The following SCARA5 variants were observed in gnomAD, a reference collection of about 807,000 sequenced individuals.
SCARA5 encodes scavenger receptor class A member 5.
Under a neutral mutation model 46.3 loss-of-function variants are expected in SCARA5, and 45 were observed. The observed-to-expected ratio is 0.97, with a 90% CI of 0.76 to 1.24. The LOEUF (loss-of-function observed/expected upper bound fraction) is 1.24. Ranked by LOEUF, SCARA5 falls within the 50% of genes most tolerant of loss-of-function variation. The pLI, the probability that SCARA5 is intolerant of heterozygous loss-of-function variation, is 0.00. For missense variants in SCARA5, 680 were observed against 689.0 expected (o/e 0.99, Z 0.15); for synonymous variants, 333 against 306.5 (o/e 1.09, Z -0.90).
intron 7 of SCARA5, among the ~76,000 whole-genome samples, chr8:27,888,961 AAT>A (rs2129698593): frequency 6.6e-6 from 1 of 152,180 alleles, no homozygotes; most frequent in East Asian, 1.9e-4. Context: ...CTGGAGTGTC[AAT>A]TCCAGCCTCG....
At chr8:27,890,503 C>T (rs1806964545) in intron 7 of SCARA5, among the ~76,000 whole-genome samples, 1 of 152,178 alleles carries the variant, frequency 6.6e-6, no homozygotes, top group Admixed American at 6.5e-5. Context: ...GGCTGAGGGC[C>T]CTAAATGCTG....
At chr8:27,890,981 G>A (rs1806971477) in intron 7 of SCARA5, among the ~76,000 whole-genome samples, 3 of 152,136 alleles carry the variant, frequency 2.0e-5, no homozygotes, top group South Asian at 4.1e-4. Flanking sequence ...GCAGAGACTG[G>A]ATGGGCAGGG....
At chr8:27,980,634 A>G (rs769486955) in intron 2 of SCARA5, among the ~76,000 whole-genome samples, 69 of 152,248 alleles carry the variant, frequency 4.5e-4, no homozygotes, top group Non-Finnish European at 9.1e-4. Flanking sequence ...CCTCCTGGAA[A>G]CAGCAGCCTC....
intron 3 of SCARA5, among the ~76,000 whole-genome samples, chr8:27,939,615 G>T (rs1807910231): frequency 6.6e-6 from 1 of 152,166 alleles, no homozygotes; most frequent in African/African-American, 2.4e-5. Flanking sequence ...CTTGTCCTGG[G>T]TCACGCAGCT....
chr8:27,918,797 GA>G (rs1807519547), intron 4 of SCARA5, among the ~76,000 whole-genome samples: 1 of 72,412 alleles, frequency 1.4e-5, no homozygotes. Flanking sequence ...GGAGAAAGAG[GA>G]GGAGGAGGAG....
At chr8:27,976,113 G>A (rs372711101) in intron 2 of SCARA5, among the ~76,000 whole-genome samples, 2 of 152,018 alleles carry the variant, frequency 1.3e-5, no homozygotes, top group South Asian at 2.1e-4. Flanking sequence ...GTCTTCTTCC[G>A]CAGCCGGGGC....
chr8:27,932,044 T>C (rs1807782943), intron 3 of SCARA5, among the ~76,000 whole-genome samples: 1 of 152,134 alleles, frequency 6.6e-6, no homozygotes, highest in Admixed American at 6.6e-5. Context: ...AGTGGCGTCA[T>C]CTCGGCTCAC....
rs1807590353 is a variant in SCARA5, at chr8:27,921,731, C to T, written c.756G>A (p.Val252=). 1 of 1,590,866 alleles carries T rather than the reference C, an allele frequency of 6.3e-7. No individual in the cohort carries two copies. Among genetic ancestry groups the T allele is most frequent in the Non-Finnish European group, 8.5e-7 (1 of 1,170,812 alleles). ...RTRLQDLRVL[V]SNASEDTRRL... ...GGCGCGTGTCCTCGCTGGCGTTGCT[C>T]ACCAGCACCCGCAGGTCCTGCAGCC... The change falls in exon 4 of 9, where the codon GTG becomes GTA. Residue 252 remains valine (V), a synonymous_variant. Transcript: ENST00000354914.
chr8:27,930,337 G>A (rs892680486), intron 3 of SCARA5, among the ~76,000 whole-genome samples: 8 of 151,912 alleles, frequency 5.3e-5, no homozygotes, highest in African/African-American at 1.7e-4. Context: ...CATGTGAGAC[G>A]TGCCTTTCAC....
chr8:27,920,858 C>T (rs906226634), intron 4 of SCARA5, among the ~76,000 whole-genome samples: 62 of 152,018 alleles, frequency 4.1e-4, no homozygotes, highest in African/African-American at 1.4e-3. Flanking sequence ...CGCCTGTAGT[C>T]CCAGCTACTT....
chr8:27,954,440 T>G (rs1299557329), intron 3 of SCARA5, among the ~76,000 whole-genome samples: 1 of 152,248 alleles, frequency 6.6e-6, no homozygotes, highest in Non-Finnish European at 1.5e-5. Context: ...AATATATGTT[T>G]GTTTGCACAA....
At chr8:27,961,475 C>T (rs1018703418) in intron 3 of SCARA5, among the ~76,000 whole-genome samples, 1 of 152,284 alleles carries the variant, frequency 6.6e-6, no homozygotes, top group South Asian at 2.1e-4. Context: ...AAACCATGAG[C>T]CAAATAAACC....
intron 3 of SCARA5, among the ~76,000 whole-genome samples, chr8:27,932,222 T>A (rs542802201): frequency 4.1e-4 from 63 of 152,230 alleles, no homozygotes; most frequent in Non-Finnish European, 6.6e-4. Flanking sequence ...TCAAGCAATC[T>A]GCCCACCTTG....
intron 2 of SCARA5, among the ~76,000 whole-genome samples, chr8:27,974,213 G>A (rs149958866): frequency 6.6e-6 from 1 of 152,298 alleles, no homozygotes; most frequent in East Asian, 1.9e-4. Flanking sequence ...CTCTGTGGAA[G>A]TCAACGCAAA....
chr8:27,886,324 T>C (rs895751123), intron 7 of SCARA5, among the ~76,000 whole-genome samples: 4 of 152,140 alleles, frequency 2.6e-5, no homozygotes, highest in African/African-American at 9.7e-5. Flanking sequence ...CCACACCTTC[T>C]CCCCTGGACT....
intron 3 of SCARA5, among the ~76,000 whole-genome samples, chr8:27,954,862 C>T (rs748586481): frequency 6.6e-6 from 1 of 152,334 alleles, no homozygotes; most frequent in East Asian, 1.9e-4. Context: ...CCTTTCTTTC[C>T]TTGACTCCTC....
chr8:27,960,101 G>A (rs972829230), intron 3 of SCARA5, among the ~76,000 whole-genome samples: 1 of 152,104 alleles, frequency 6.6e-6, no homozygotes, highest in Non-Finnish European at 1.5e-5. Flanking sequence ...AAACAAGTAG[G>A]TCTGTAATCC....
At chr8:27,885,910 A>G (rs1001361928) in intron 7 of SCARA5, 1 of 154,338 alleles carries the variant, frequency 6.5e-6, no homozygotes, top group Non-Finnish European at 1.5e-5. Flanking sequence ...GAATATTTGG[A>G]AACAAGACAC....
At chr8:27,939,238 C>A (rs1807905025) in intron 3 of SCARA5, among the ~76,000 whole-genome samples, 1 of 152,184 alleles carries the variant, frequency 6.6e-6, no homozygotes. Flanking sequence ...CCCCAAACAC[C>A]ATGCCCCTTC....
Sources: allele counts gnomAD v4.1 joint callset (sites outside exome capture counted in the v4.1 genomes callset), GRCh38; gene constraint gnomAD v4.1.1; transcripts MANE v1.5; gene names NCBI Gene and HGNC (gene_info 2026-07-23, HGNC 2026-07-21).